The following PDIK1L variants were observed in gnomAD, a reference collection of about 807,000 sequenced individuals.
PDIK1L encodes the protein serine/threonine-protein kinase PDIK1L.
PDIK1L carries 9 observed loss-of-function variants against 27.1 expected under a neutral mutation model. The ratio of observed to expected loss-of-function variants is 0.33; its 90% CI spans 0.20 to 0.58. The LOEUF is 0.58. Ranked by LOEUF, PDIK1L falls within the 20% of genes least tolerant of loss-of-function variation. The probability of loss-of-function intolerance (pLI) is 0.86; values close to 1 mark genes in which losing one functional copy is unlikely to be tolerated. For synonymous variants in PDIK1L, 130 were observed against 141.7 expected (o/e 0.92, Z 0.59); for missense variants, 216 against 413.2 (o/e 0.52, Z 4.14).
chr1:26,121,929 T>C lies in PDIK1L; in HGVS notation c.378T>C (p.Asp126=), dbSNP rs1438809343. The C allele has an allele frequency of 6.2e-7, 1 of 1,614,032 alleles. No homozygotes were observed. Among genetic ancestry groups the C allele is most frequent in the Non-Finnish European group, 8.5e-7 (1 of 1,180,036 alleles). Reference sequence around the variant, plus strand: ...TGATGGATTTTTGTGACGGAGGAGATATGAATGAGTATCTGTTGTCCAGGA... The same window carrying C: ...TGATGGATTTTTGTGACGGAGGAGACATGAATGAGTATCTGTTGTCCAGGA... ...WFVMDFCDGG[D]MNEYLLSRKP... The change falls in exon 3 of 3, where the codon GAT becomes GAC. Residue 126 remains aspartate (D), a synonymous_variant. Transcript: ENST00000374269.
At chr1:26,113,498 TAAAAA>T (rs67443362) in intron 1 of PDIK1L, among the ~76,000 whole-genome samples, 3 of 91,056 alleles carry the variant, frequency 3.3e-5, no homozygotes, top group Non-Finnish European at 4.3e-5. Context: ...AGACTCCGTC[TAAAAA>T]AAAAAAAAAA....
chr1:26,124,082 T>C lies in PDIK1L; in HGVS notation c.*1505T>C, dbSNP rs2088037317. The C allele has an allele frequency of 6.6e-6, 1 of 152,648 alleles. No homozygotes were observed. Among genetic ancestry groups the C allele is most frequent in the Admixed American group, 6.5e-5 (1 of 15,284 alleles). 9.5% of individuals were successfully genotyped at this position (152,648 alleles called of 1,614,324 possible). On this transcript the variant is annotated 3_prime_UTR_variant, in exon 3 of 3. Coordinates refer to ENST00000374269, the MANE Select transcript of PDIK1L (RefSeq NM_152835.5). The stretch of plus-strand genomic sequence containing the variant: ...AGTATTAGAATATTGAAATTATTGA[T>C]AGCTTTCATAATCTCAGCTTTTTTG...
At chr1:26,116,237 T>C (rs1188893715) in intron 2 of PDIK1L, among the ~76,000 whole-genome samples, 9 of 147,408 alleles carry the variant, frequency 6.1e-5, no homozygotes, top group African/African-American at 2.0e-4. Flanking sequence ...TGGTCAGGCG[T>C]GGTGGCTTAC....
rs2088007820 is a variant in PDIK1L at position 26,122,626 on chromosome 1, A to T, written c.*49A>T. ...GGATGATATGCTGCTTCTGTTTAAC[A>T]GTGATGCAACATTATGTGGCTGAAA... On this transcript the variant is annotated 3_prime_UTR_variant, in exon 3 of 3. Transcript: ENST00000374269. This position sits in a 1 kb window ranked among gnomAD's most constrained non-coding sequence, Gnocchi z 5.4. The T allele has an allele frequency of 1.9e-6, 3 of 1,541,472 alleles. No individual in the cohort carries two copies. Among genetic ancestry groups the T allele is most frequent in the South Asian group, 2.5e-5 (2 of 79,464 alleles).
chr1:26,120,917 A>G (rs1386809413), intron 2 of PDIK1L, among the ~76,000 whole-genome samples: 2 of 144,312 alleles, frequency 1.4e-5, no homozygotes, highest in Non-Finnish European at 3.0e-5. Context: ...GCGCCATTGC[A>G]CTCCAGCCTG....
In PDIK1L at chr1:26,122,453, A is replaced by T; in HGVS notation, c.902A>T (p.Asn301Ile). Reference sequence around the variant, plus strand: ...ATTCCTGTGAAGAAAAAATCTATGAATGGGCGAATGAAACAACTGATTAAG... The same window carrying T: ...ATTCCTGTGAAGAAAAAATCTATGATTGGGCGAATGAAACAACTGATTAAG... ...LLIPVKKKSM[N>I]GRMKQLIKEM... is the part of the protein sequence containing the mutation. The change falls in exon 3 of 3, where the codon AAT becomes ATT. Residue 301 changes from asparagine (N) to isoleucine (I), a missense_variant. Transcript: ENST00000374269. This position sits in a 1 kb window ranked among gnomAD's most constrained non-coding sequence, Gnocchi z 5.4. 1 of 1,614,166 alleles carries T rather than the reference A, an allele frequency of 6.2e-7. No homozygotes were observed. The highest frequency in any genetic ancestry group is 2.2e-5 in the East Asian group (1 of 44,882).
At chr1:26,119,828 C>T (rs2087947476) in intron 2 of PDIK1L, among the ~76,000 whole-genome samples, 1 of 151,956 alleles carries the variant, frequency 6.6e-6, no homozygotes, top group African/African-American at 2.4e-5. Flanking sequence ...CACTGCACTC[C>T]AGCCTGGCAA....
At chr1:26,117,852 G>A (rs1037316945) in intron 2 of PDIK1L, among the ~76,000 whole-genome samples, 3 of 152,114 alleles carry the variant, frequency 2.0e-5, no homozygotes, top group African/African-American at 7.2e-5. Flanking sequence ...GAGGCCAGGA[G>A]TTCCAAGACC....
rs887856188 is a variant in PDIK1L at position 26,124,299 on chromosome 1, A to G, written c.*1722A>G. ...GAAATAAAGCCTCTTAAAATGAAAA[A>G]TCATATACTTTTAACATCACTTTTA... On this transcript the variant is annotated 3_prime_UTR_variant, in exon 3 of 3. Transcript: ENST00000374269. 1.3e-5 allele frequency: 2 copies of G among 152,226 alleles called. No homozygotes were observed. The highest frequency in any genetic ancestry group is 4.1e-4 in the South Asian group (2 of 4,836). 9.4% of individuals were successfully genotyped at this position (152,226 alleles called of 1,614,324 possible). A position where few individuals can be genotyped will look rare whatever the true frequency, so the allele number is the denominator to read the frequency against.
chr1:26,120,637 C>A (rs900365518), intron 2 of PDIK1L, among the ~76,000 whole-genome samples: 1 of 152,138 alleles, frequency 6.6e-6, no homozygotes, highest in African/African-American at 2.4e-5. Context: ...GAAAAGGGCA[C>A]CATACAACAA....
chr1:26,111,911 C>T lies in PDIK1L; in HGVS notation c.-22C>T, dbSNP rs1350477057. ...AGAGGGAGAAGCGGCAGCGTCTACC[C>T]TGAGGTAAATCTGGCCTTTCGGCGT... On this transcript the variant is annotated 5_prime_UTR_variant, in exon 1 of 3. Transcript: ENST00000374269. This position sits in a 1 kb window ranked among gnomAD's most constrained non-coding sequence, Gnocchi z 4.0. 1 of 152,098 alleles carries T rather than the reference C, an allele frequency of 6.6e-6. No individual in the cohort carries two copies. Among genetic ancestry groups the T allele is most frequent in the African/African-American group, 2.4e-5 (1 of 41,434 alleles). The allele number at this position is 152,098 out of a possible 1,614,324, so 9.4% of individuals were successfully genotyped here. A position where few individuals can be genotyped will look rare whatever the true frequency, so the allele number is the denominator to read the frequency against.
chr1:26,114,406 G>C lies in PDIK1L; in HGVS notation c.98G>C (p.Arg33Pro), dbSNP rs1286019612. The change falls in exon 2 of 3, where the codon CGG (arginine) becomes CCG (proline). Residue 33 changes from arginine to proline, a missense_variant. Arg to Pro is a moderately radical substitution (Grantham distance 103). Transcript: ENST00000374269. The surrounding 1 kb of genome is among the most constrained non-coding windows in gnomAD (Gnocchi z 4.8). Reference protein sequence around the residue: ...YEAVIRKTSARVAVKKIRCHA... With the variant: ...YEAVIRKTSAPVAVKKIRCHA... Reference sequence around the variant, plus strand: ...GCAGTCATCAGAAAGACCTCTGCACGGGTGGCAGTGAAGAAAATTCGATGT... The same window carrying C: ...GCAGTCATCAGAAAGACCTCTGCACCGGTGGCAGTGAAGAAAATTCGATGT... 6.2e-7 allele frequency: 1 copy of C among 1,613,936 alleles called. No individual in the cohort carries two copies.
chr1:26,117,179 C>T (rs912488626), intron 2 of PDIK1L, among the ~76,000 whole-genome samples: 6 of 151,720 alleles, frequency 4.0e-5, no homozygotes, highest in African/African-American at 9.7e-5. Context: ...CTACAGGTGC[C>T]CGTCACCATG....
chr1:26,115,060 TC>T (rs2087856112), intron 2 of PDIK1L, among the ~76,000 whole-genome samples: 1 of 152,230 alleles, frequency 6.6e-6, no homozygotes, highest in South Asian at 2.1e-4. Flanking sequence ...ACCACGCAGT[TC>T]CAGTTAATTT....
chr1:26,113,494 C>T (rs1244686948), intron 1 of PDIK1L, among the ~76,000 whole-genome samples: 4 of 127,940 alleles, frequency 3.1e-5, no homozygotes, highest in African/African-American at 1.2e-4. Flanking sequence ...AGCGAGACTC[C>T]GTCTAAAAAA....
chr1:26,112,500 G>A (rs2087814472), intron 1 of PDIK1L: 1 of 152,352 alleles, frequency 6.6e-6, no homozygotes, highest in Non-Finnish European at 1.5e-5. Flanking sequence ...AGGCTGGAGA[G>A]GACATGGCAC....
At chr1:26,115,362 G>A (rs2124469127) in intron 2 of PDIK1L, among the ~76,000 whole-genome samples, 1 of 152,346 alleles carries the variant, frequency 6.6e-6, no homozygotes, top group Admixed American at 6.5e-5. Flanking sequence ...TTACTCTTCT[G>A]TAAACCTGGG....
intron 2 of PDIK1L, 45 bp from the exon 3 acceptor site, chr1:26,121,792 A>C: frequency 4.9e-5 from 76 of 1,536,332 alleles, no homozygotes; most frequent in Non-Finnish European, 5.8e-5. Flanking sequence ...ACTGAATTGT[A>C]TAACCTATGC....
chr1:26,117,384 A>C (rs1409725467), intron 2 of PDIK1L, among the ~76,000 whole-genome samples: 1 of 152,162 alleles, frequency 6.6e-6, no homozygotes, highest in Non-Finnish European at 1.5e-5. Context: ...GCCTCTGTGC[A>C]TTTTATTGTT....
Sources: allele counts gnomAD v4.1 joint callset (sites outside exome capture counted in the v4.1 genomes callset), GRCh38; gene constraint gnomAD v4.1.1; non-coding constraint Gnocchi (gnomAD v3.1); transcripts MANE v1.5; gene names NCBI Gene and HGNC (gene_info 2026-07-23, HGNC 2026-07-21).